The following SHANK2 variants were observed in gnomAD, a reference collection of about 807,000 sequenced individuals.
SHANK2 encodes the protein SH3 and multiple ankyrin repeat domains protein 2.
In SHANK2, 43 loss-of-function variants were observed where a neutral mutation model predicts 133.7. The ratio of observed to expected loss-of-function variants is 0.32; its 90% CI spans 0.25 to 0.41. The LOEUF (loss-of-function observed/expected upper bound fraction) is 0.41, where lower values mean the gene tolerates loss of function less well. SHANK2 is among the 10% of genes least tolerant of loss of function. The pLI is 1.00. For synonymous variants in SHANK2, 1,017 were observed against 952.8 expected (o/e 1.07, Z -1.24); for missense variants, 1,994 against 2,235.8 (o/e 0.89, Z 2.18).
intron 11 of SHANK2, among the ~76,000 whole-genome samples, chr11:70,821,411 T>G (rs1948519074): frequency 6.6e-6 from 1 of 152,006 alleles, no homozygotes; most frequent in South Asian, 2.1e-4. Flanking sequence ...GGTGTAAATA[T>G]CTGGTTGTTT....
At chr11:70,809,644 C>T (rs188387384) in intron 12 of SHANK2, among the ~76,000 whole-genome samples, 10 of 152,290 alleles carry the variant, frequency 6.6e-5, no homozygotes, top group Admixed American at 5.9e-4. Context: ...GCCAGGGCTC[C>T]ATGTACTCCG....
At chr11:71,114,291 C>T (rs1165168321) in intron 4 of SHANK2, among the ~76,000 whole-genome samples, 1 of 152,196 alleles carries the variant, frequency 6.6e-6, no homozygotes, top group African/African-American at 2.4e-5. Flanking sequence ...TCCCTCCTTA[C>T]TGCCCTTGAT....
rs1308047599 is a variant in SHANK2, at chr11:71,166,477, TTTTTCTTTTC to T, written c.-12-19149_-12-19140del. On this transcript the variant is annotated intron_variant, in intron 2 of 25. Coordinates refer to ENST00000601538, the MANE Select transcript of SHANK2 (RefSeq NM_012309.5). The stretch of plus-strand genomic sequence containing the variant: ...TTTACCTTCCAATCCACACGTCTTT[TTTTTCTTTTC>T]TTTTTTTTTTGAGATGGAGTTTCGC... 2.0e-5 allele frequency among the ~76,000 whole-genome samples: 3 copies of T among 148,558 alleles called. 1 individual carries two copies. The highest frequency in any genetic ancestry group is 4.5e-5 in the Non-Finnish European group (3 of 66,944).
intron 25 of SHANK2, among the ~76,000 whole-genome samples, chr11:70,481,402 T>G (rs1555151545): frequency 6.6e-6 from 1 of 152,216 alleles, no homozygotes; most frequent in African/African-American, 2.4e-5. Flanking sequence ...TGTTTAATCT[T>G]CAGCTGCTTC....
intron 17 of SHANK2, among the ~76,000 whole-genome samples, chr11:70,587,698 GTTTTTTTT>G (rs34539549): frequency 1.7e-5 from 2 of 119,740 alleles, no homozygotes; most frequent in African/African-American, 6.6e-5. Context: ...AGCACGTCCA[GTTTTTTTT>G]TTTTTTTTTT....
intron 17 of SHANK2, among the ~76,000 whole-genome samples, chr11:70,609,838 TGG>T (rs2060636034): frequency 6.7e-6 from 1 of 148,628 alleles, no homozygotes; most frequent in East Asian, 2.1e-4. Context: ...ATATACAATA[TGG>T]AATATGTATA....
chr11:70,590,160 TAAAC>T (rs758214757), intron 17 of SHANK2, among the ~76,000 whole-genome samples: 9 of 152,044 alleles, frequency 5.9e-5, no homozygotes, highest in Admixed American at 6.6e-5. Context: ...AGACTCTGTC[TAAAC>T]AAACAAACAA....
At chr11:70,756,317 T>C (rs893216243) in intron 14 of SHANK2, among the ~76,000 whole-genome samples, 2 of 152,118 alleles carry the variant, frequency 1.3e-5, no homozygotes, top group African/African-American at 2.4e-5. Context: ...CTCTGAGCCT[T>C]AGAGGCACAT....
intron 2 of SHANK2, among the ~76,000 whole-genome samples, chr11:71,177,945 T>C (rs1379781330): frequency 6.6e-6 from 1 of 152,204 alleles, no homozygotes; most frequent in Non-Finnish European, 1.5e-5. Flanking sequence ...TTGGTGAGTA[T>C]GTAGAGAAAC....
chr11:70,623,340 C>A (rs530009425), intron 17 of SHANK2, among the ~76,000 whole-genome samples: 3 of 152,386 alleles, frequency 2.0e-5, no homozygotes, highest in South Asian at 2.1e-4. Flanking sequence ...ACCTTCCCTG[C>A]CGGCCAGCAC....
intron 1 of SHANK2, among the ~76,000 whole-genome samples, chr11:71,247,137 A>G (rs538139834): frequency 6.6e-6 from 1 of 152,318 alleles, no homozygotes; most frequent in Non-Finnish European, 1.5e-5. Context: ...GGCTGTATAA[A>G]TTCAAGAAAA....
At chr11:71,138,119 CCA>C (rs55987635) in intron 3 of SHANK2, among the ~76,000 whole-genome samples, 32 of 57,054 alleles carry the variant, frequency 5.6e-4, no homozygotes, top group South Asian at 1.7e-3. Context: ...CAGTAACGAA[CCA>C]CACCCCTGCA....
In SHANK2 at chr11:70,486,799, G is replaced by A. The variant is rs782747928; in HGVS notation, c.3494C>T (p.Ala1165Val). 1.2e-6 allele frequency: 2 copies of A among 1,612,270 alleles called. No homozygotes were observed. Among genetic ancestry groups the A allele is most frequent in the African/African-American group, 1.3e-5 (1 of 75,052 alleles). Residue 1165 changes from alanine (A) to valine (V), a missense_variant, in exon 25 of 26, where the codon GCT (alanine) becomes GTT (valine). Physicochemically the swap from Ala to Val is moderately conservative, Grantham distance 64. Coordinates refer to ENST00000601538, the MANE Select transcript of SHANK2 (RefSeq NM_012309.5). The surrounding 1 kb of genome is among the most constrained non-coding windows in gnomAD (Gnocchi z 8.0). ...NHFVGGAEAS[A>V]PGEAGRPLNS... ...CAGCGGCCTCCCAGCCTCACCCGGA[G>A]CACTGGCCTCGGCGCCACCCACGAA...
At chr11:70,476,637 C>T (rs1251166311) in intron 25 of SHANK2, among the ~76,000 whole-genome samples, 2 of 152,196 alleles carry the variant, frequency 1.3e-5, no homozygotes, top group African/African-American at 2.4e-5. Flanking sequence ...GGCCAAGGAC[C>T]TTGGGGCACA....
In SHANK2 at chr11:70,820,654, G is replaced by A. The variant is rs782200396; in HGVS notation, c.1203C>T (p.Ser401=). Residue 401 remains serine (S), a synonymous_variant, in exon 12 of 26, where the codon TCC becomes TCT. Coordinates refer to ENST00000601538, the MANE Select transcript of SHANK2 (RefSeq NM_012309.5). The part of the protein sequence containing the change: ...IVPFREAPAY[S]NRRRRPPNTL... ...TGTTGGGGGGCCGCCGCCGGCGGTT[G>A]GAGTACGCCGGGGCCTCTCGGAAGG... The A allele has an allele frequency of 7.1e-6, 5 of 702,100 alleles. No homozygotes were observed. The highest frequency in any genetic ancestry group is 3.0e-5 in the South Asian group (2 of 65,692). 43.5% of individuals were successfully genotyped at this position (702,100 alleles called of 1,614,324 possible). A position where few individuals can be genotyped will look rare whatever the true frequency, so the allele number is the denominator to read the frequency against.
intron 11 of SHANK2, among the ~76,000 whole-genome samples, chr11:70,836,921 G>T (rs1272996107): frequency 6.6e-6 from 1 of 152,220 alleles, no homozygotes; most frequent in African/African-American, 2.4e-5. Flanking sequence ...AAGGAGGTGG[G>T]ACCCCATGAT....
chr11:70,744,094 T>C (rs1591806283), intron 14 of SHANK2, among the ~76,000 whole-genome samples: 1 of 152,202 alleles, frequency 6.6e-6, no homozygotes, highest in South Asian at 2.1e-4. Context: ...GCCACCAATG[T>C]GTGGCTGCAG....
intron 2 of SHANK2, among the ~76,000 whole-genome samples, chr11:71,155,077 G>A (rs190867224): frequency 2.5e-4 from 13 of 52,238 alleles, no homozygotes; most frequent in South Asian, 7.5e-4. Flanking sequence ...CCACGCTCCC[G>A]GAGGAGGGGT....
intron 12 of SHANK2, among the ~76,000 whole-genome samples, chr11:70,815,006 G>A (rs1450323525): frequency 6.6e-6 from 1 of 152,202 alleles, no homozygotes; most frequent in Non-Finnish European, 1.5e-5. Flanking sequence ...AGGGACTCAG[G>A]TGTCTCAGGA....
Sources: gnomAD v4.1 joint callset for allele counts (sites outside exome capture counted in the v4.1 genomes callset) on GRCh38, gnomAD v4.1.1 for gene constraint, Gnocchi (gnomAD v3.1) non-coding constraint, MANE v1.5 for transcripts, NCBI Gene and HGNC (gene_info 2026-07-23, HGNC 2026-07-21) for gene names.